The following SHANK2 variants were observed in gnomAD, a reference collection of about 807,000 sequenced individuals.
SHANK2 encodes SH3 and multiple ankyrin repeat domains 2.
In SHANK2, 43 loss-of-function variants were observed where a neutral mutation model predicts 133.7. That is an observed-to-expected ratio of 0.32 (90% CI 0.25 to 0.41). The LOEUF (loss-of-function observed/expected upper bound fraction) is 0.41, where lower values mean the gene tolerates loss of function less well. Ranked by LOEUF, SHANK2 falls within the 10% of genes least tolerant of loss-of-function variation. SHANK2 has a pLI of 1.00. For synonymous variants in SHANK2, 1,017 were observed against 952.8 expected (o/e 1.07, Z -1.24); for missense variants, 1,994 against 2,235.8 (o/e 0.89, Z 2.18).
chr11:70,514,618 G>A (rs1462543423), intron 17 of SHANK2, among the ~76,000 whole-genome samples: 1 of 152,110 alleles, frequency 6.6e-6, no homozygotes, highest in Non-Finnish European at 1.5e-5. Context: ...ATGGTTGCTG[G>A]GTTTTTATAT....
intron 17 of SHANK2, among the ~76,000 whole-genome samples, chr11:70,617,853 G>T (rs1235257755): frequency 1.3e-5 from 2 of 152,148 alleles, no homozygotes; most frequent in African/African-American, 4.8e-5. Flanking sequence ...TCGGGGGAGA[G>T]GGGAGGGATA....
Position 70,470,702 on chromosome 11 carries a change from T to C in SHANK2, c.*2167A>G, listed in dbSNP as rs2058587980. The C allele has an allele frequency of 6.6e-6, 1 of 152,360 alleles. No individual in the cohort carries two copies. The highest frequency in any genetic ancestry group is 1.5e-5 in the Non-Finnish European group (1 of 68,044). The allele number at this position is 152,360 out of a possible 1,614,324, so 9.4% of individuals were successfully genotyped here. A position where few individuals can be genotyped will look rare whatever the true frequency, so the allele number is the denominator to read the frequency against. On this transcript the variant is annotated 3_prime_UTR_variant, in exon 26 of 26. Coordinates refer to ENST00000601538, the MANE Select transcript of SHANK2 (RefSeq NM_012309.5). ...CTCATTCATCTCATGATGGAAAAAC[T>C]GAAAGCACACGGAAGTAAAGCGCCT...
intron 2 of SHANK2, among the ~76,000 whole-genome samples, chr11:71,153,786 A>G (rs537838305): frequency 1.3e-5 from 2 of 152,266 alleles, no homozygotes; most frequent in South Asian, 2.1e-4. Flanking sequence ...GCCGGTCAAC[A>G]TGGTAAAACC....
chr11:71,074,803 G>A (rs1287983472), intron 9 of SHANK2, among the ~76,000 whole-genome samples: 46 of 141,722 alleles, frequency 3.2e-4, no homozygotes, highest in Admixed American at 2.6e-3. Context: ...TTTTTGAGAC[G>A]GAGTCTCGCT....
At chr11:70,476,101 C>T (rs1207324628) in intron 25 of SHANK2, among the ~76,000 whole-genome samples, 3 of 151,846 alleles carry the variant, frequency 2.0e-5, no homozygotes, top group South Asian at 2.1e-4. Context: ...TGGTGGTGGG[C>T]GCCTGTAATC....
At chr11:71,137,958 C>G (rs1343636175) in intron 3 of SHANK2, among the ~76,000 whole-genome samples, 1 of 152,126 alleles carries the variant, frequency 6.6e-6, no homozygotes, top group Non-Finnish European at 1.5e-5. Flanking sequence ...CCAGAGCCCT[C>G]TCTCACAATG....
intron 15 of SHANK2, among the ~76,000 whole-genome samples, chr11:70,677,728 T>C (rs1473105402): frequency 2.6e-5 from 4 of 151,974 alleles, no homozygotes; most frequent in Non-Finnish European, 5.9e-5. Flanking sequence ...TGTTGAGGGC[T>C]CCGGAAGCCA....
chr11:70,504,172 G>A (rs1471455701), intron 17 of SHANK2, among the ~76,000 whole-genome samples: 22 of 152,244 alleles, frequency 1.4e-4, no homozygotes, highest in Admixed American at 1.4e-3. Flanking sequence ...CAGCCACACT[G>A]TGCTGTACGC....
At chr11:71,085,575 TTA>T (rs1213535443) in intron 8 of SHANK2, among the ~76,000 whole-genome samples, 1 of 60,286 alleles carries the variant, frequency 1.7e-5, no homozygotes, top group South Asian at 5.4e-4. Context: ...AAAATATATA[TTA>T]TATAATATAT....
chr11:70,486,592 G>T lies in SHANK2; in HGVS notation c.3701C>A (p.Pro1234His), dbSNP rs1555153730. ...DRAMKESQQG[P>H]KGEAPKADLN... ...GTCGGCCTTGGGGGCCTCCCCTTTG[G>T]GTCCCTGTTGAGACTCCTTCATGGC... The change falls in exon 25 of 26, where the codon CCC becomes CAC. Residue 1234 changes from proline (P) to histidine (H), a missense_variant. Transcript: ENST00000601538. This position sits in a 1 kb window ranked among gnomAD's most constrained non-coding sequence, Gnocchi z 8.0. 1.2e-6 allele frequency: 2 copies of T among 1,613,904 alleles called. No individual in the cohort carries two copies.
chr11:70,814,175 T>C lies in SHANK2; in HGVS notation c.1493+6189A>G, dbSNP rs150641622. 5.4e-3 allele frequency among the ~76,000 whole-genome samples: 816 copies of C among 152,052 alleles called. 9 individuals are homozygous for C. The highest frequency in any genetic ancestry group is 0.017 in the African/African-American group (720 of 41,472). ...CCCATCTCTACTAAAAATACAAAAC[T>C]TAGCTGAGTATGGTGGAGCATGCCT... is the stretch of plus-strand genomic sequence containing the variant. On this transcript the variant is annotated intron_variant, in intron 12 of 25. Coordinates refer to ENST00000601538, the MANE Select transcript of SHANK2 (RefSeq NM_012309.5).
At chr11:70,775,811 G>A (rs1947352702) in intron 14 of SHANK2, among the ~76,000 whole-genome samples, 1 of 152,218 alleles carries the variant, frequency 6.6e-6, no homozygotes, top group Admixed American at 6.5e-5. Context: ...AAATGTGGAG[G>A]TTTCATCGTT....
At position 70,802,562 on chromosome 11, in the gene SHANK2, T is replaced by C. The variant is rs117049801; in HGVS notation, c.1664-4006A>G. ...TGGTTTCTAATGTACCTCTAGGCCA[T>C]CTTCAATTTCAAACCATGCATGGTG... On this transcript the variant is annotated intron_variant, in intron 13 of 25. Coordinates refer to ENST00000601538, the MANE Select transcript of SHANK2 (RefSeq NM_012309.5). Among the ~76,000 whole-genome samples, 9 of 152,326 alleles carry C rather than the reference T, an allele frequency of 5.9e-5. No individual in the cohort carries two copies. In the East Asian group the frequency reaches 1.2e-3, roughly 20 times the overall value.
chr11:70,742,816 G>C (rs1263704289), intron 14 of SHANK2, among the ~76,000 whole-genome samples: 2 of 152,222 alleles, frequency 1.3e-5, no homozygotes, highest in Non-Finnish European at 2.9e-5. Flanking sequence ...GCTGGGGGCG[G>C]GGGCTGGAGT....
At chr11:71,113,407 T>C (rs1555099805) in intron 4 of SHANK2, 43 bp from the exon 5 acceptor site, 1 of 1,523,640 alleles carries the variant, frequency 6.6e-7, no homozygotes, top group Admixed American at 2.0e-5. Flanking sequence ...AAGTCAATAC[T>C]TCTCAGAGTT....
At chr11:71,070,058 C>G (rs1951123440) in intron 9 of SHANK2, among the ~76,000 whole-genome samples, 1 of 152,154 alleles carries the variant, frequency 6.6e-6, no homozygotes, top group Non-Finnish European at 1.5e-5. Flanking sequence ...AGCTTTGGGT[C>G]AAGTACAACA....
At chr11:70,659,736 G>A in intron 17 of SHANK2, 92 bp downstream of exon 17, 1 of 1,518,294 alleles carries the variant, frequency 6.6e-7, no homozygotes, top group Non-Finnish European at 9.1e-7. Context: ...CCCCCAGACT[G>A]GGCCTCGTGG....
chr11:70,560,079 C>T (rs1447929925), intron 17 of SHANK2, among the ~76,000 whole-genome samples: 1 of 152,044 alleles, frequency 6.6e-6, no homozygotes, highest in African/African-American at 2.4e-5. Context: ...GGCATGTTGA[C>T]CAGGCTGGTC....
At chr11:70,484,012 C>A (rs1233002421) in intron 25 of SHANK2, among the ~76,000 whole-genome samples, 1 of 152,150 alleles carries the variant, frequency 6.6e-6, no homozygotes, top group Non-Finnish European at 1.5e-5. Flanking sequence ...AAATGCCTGC[C>A]CAGCAGGGGT....
Sources: gnomAD v4.1 joint callset for allele counts (sites outside exome capture counted in the v4.1 genomes callset) on GRCh38, gnomAD v4.1.1 for gene constraint, Gnocchi (gnomAD v3.1) non-coding constraint, MANE v1.5 for transcripts, NCBI Gene and HGNC (gene_info 2026-07-23, HGNC 2026-07-21) for gene names.